Variants in DMD observed in about 807,000 individuals in gnomAD.
The protein encoded by DMD is mutant dystrophin.
A neutral mutation model predicts 330.1 loss-of-function variants in DMD; 63 were observed. That is an observed-to-expected ratio of 0.19 (90% confidence interval 0.16 to 0.24). The LOEUF is 0.24. Ranked by LOEUF, DMD falls within the 10% of genes least tolerant of loss-of-function variation. The pLI, the probability that DMD is intolerant of heterozygous loss-of-function variation, is 1.00. For synonymous variants in DMD, 1,223 were observed against 959.8 expected, an observed-to-expected ratio of 1.27 and a Z score of -5.07; for missense variants, 3,344 against 2,684.1, an observed-to-expected ratio of 1.25 and a Z score of -5.43.
chrX:31,497,458 C>T (rs977644164), intron 56 of DMD, among the ~76,000 whole-genome samples: 1 of 111,668 alleles, frequency 9.0e-6, no homozygotes, highest in Non-Finnish European at 1.9e-5. Context: ...CGTCTCCTTT[C>T]CCCCTACCCT....
At chrX:31,727,693 G>T (rs923854115) in intron 52 of DMD, among the ~76,000 whole-genome samples, 1 of 111,980 alleles carries the variant, frequency 8.9e-6, no homozygotes, top group African/African-American at 3.2e-5. Context: ...AAGCCTCCAA[G>T]ATTTGGGAGA....
intron 62 of DMD, among the ~76,000 whole-genome samples, chrX:31,318,699 G>A (rs1379327890): frequency 8.9e-6 from 1 of 112,166 alleles, no homozygotes; most frequent in Admixed American, 9.4e-5. Context: ...TGCTTCTTGA[G>A]CATTGCATGT....
intron 2 of DMD, among the ~76,000 whole-genome samples, chrX:32,905,396 G>C (rs1278682566): frequency 9.0e-6 from 1 of 111,531 alleles, no homozygotes; most frequent in East Asian, 2.8e-4. Context: ...AGACATGGTT[G>C]AGAAAAATGC....
At chrX:32,657,750 G>A (rs905652854) in intron 9 of DMD, among the ~76,000 whole-genome samples, 1 of 111,827 alleles carries the variant, frequency 8.9e-6, no homozygotes, top group Non-Finnish European at 1.9e-5. Context: ...AAATAGGATA[G>A]TTACAAAATG....
At chrX:33,030,442 T>C (rs2094088305) in intron 1 of DMD, among the ~76,000 whole-genome samples, 1 of 112,211 alleles carries the variant, frequency 8.9e-6, no homozygotes, top group Non-Finnish European at 1.9e-5. Context: ...ATTTCTGTGG[T>C]GCATTATAAT....
chrX:31,244,999 C>A (rs189523112), intron 63 of DMD, among the ~76,000 whole-genome samples: 13 of 111,867 alleles, frequency 1.2e-4, no homozygotes, highest in Non-Finnish European at 1.9e-4. Flanking sequence ...AATGAACGAA[C>A]GAGGCCATCA....
At chrX:31,694,177 T>C (rs2132859) in intron 52 of DMD, among the ~76,000 whole-genome samples, 47,033 of 110,002 alleles carry the variant, frequency 0.43, 8,192 homozygotes, top group African/African-American at 0.63. Context: ...CTTCAATAAA[T>C]GGTATTGGGA....
chrX:32,819,848 TAAAAA>T (rs35344665), intron 5 of DMD, among the ~76,000 whole-genome samples: 4 of 80,976 alleles, frequency 4.9e-5, no homozygotes, highest in African/African-American at 1.7e-4. Flanking sequence ...AATGTTGGTG[TAAAAA>T]AAAAAAAAAA....
chrX:31,994,289 G>A (rs1262686504), intron 44 of DMD, among the ~76,000 whole-genome samples: 1 of 111,913 alleles, frequency 8.9e-6, no homozygotes, highest in African/African-American at 3.2e-5. Context: ...TGACAGGTCT[G>A]AAGCAAACAT....
intron 7 of DMD, among the ~76,000 whole-genome samples, chrX:32,770,956 G>T (rs906412229): frequency 1.8e-5 from 2 of 111,410 alleles, no homozygotes; most frequent in African/African-American, 6.5e-5. Context: ...TTTAAAAATA[G>T]AGTTGAATGA....
intron 52 of DMD, among the ~76,000 whole-genome samples, chrX:31,712,048 A>G (rs2084676364): frequency 1.8e-5 from 2 of 111,421 alleles, no homozygotes; most frequent in Admixed American, 9.7e-5. Context: ...GTATCTGTAT[A>G]TAAGTGTTGC....
At chrX:32,009,394 G>A (rs745679848) in intron 44 of DMD, among the ~76,000 whole-genome samples, 2 of 111,938 alleles carry the variant, frequency 1.8e-5, no homozygotes, top group African/African-American at 6.5e-5. Flanking sequence ...GGGCAAAGAG[G>A]CAATATGCAT....
chrX:32,651,649 T>C (rs769118333), intron 9 of DMD, among the ~76,000 whole-genome samples: 1 of 111,348 alleles, frequency 9.0e-6, no homozygotes, highest in Admixed American at 9.5e-5. Flanking sequence ...AAGACAGCAA[T>C]GGGACACAGC....
chrX:32,305,152 T>C (rs1321280146), intron 42 of DMD, among the ~76,000 whole-genome samples: 1 of 111,784 alleles, frequency 8.9e-6, no homozygotes, highest in Non-Finnish European at 1.9e-5. Context: ...CTCTTGCTAT[T>C]ATCTAATTCT....
chrX:33,035,705 C>G (rs1156375139), intron 1 of DMD, among the ~76,000 whole-genome samples: 1 of 111,609 alleles, frequency 9.0e-6, no homozygotes, highest in Non-Finnish European at 1.9e-5. Context: ...CATGAAGGAA[C>G]CACTCAAATG....
intron 52 of DMD, among the ~76,000 whole-genome samples, chrX:31,718,406 TCAATAA>T (rs1452530284): frequency 9.0e-6 from 1 of 111,167 alleles, no homozygotes; most frequent in Non-Finnish European, 1.9e-5. Context: ...AGTGGAACTC[TCAATAA>T]TGAGGATAGT....
chrX:33,331,505 T>C (rs913379493), intron 1 of DMD, among the ~76,000 whole-genome samples: 1 of 111,532 alleles, frequency 9.0e-6, no homozygotes, highest in African/African-American at 3.3e-5. Flanking sequence ...ATCCTGGGAG[T>C]GTTATAATCA....
chrX:31,359,025 G>C, intron 60 of DMD, among the ~76,000 whole-genome samples: 1 of 111,934 alleles, frequency 8.9e-6, no homozygotes, highest in Non-Finnish European at 1.9e-5. Context: ...TGCATTTTAA[G>C]TGCAACTTTA....
intron 34 of DMD, among the ~76,000 whole-genome samples, chrX:32,378,363 C>CA (rs1423951436): frequency 1.8e-5 from 2 of 108,686 alleles, no homozygotes; most frequent in Non-Finnish European, 3.8e-5. Flanking sequence ...CAAGTTGTGC[C>CA]ATATGTATCT....
Sources: allele counts gnomAD v4.1 joint callset (sites outside exome capture counted in the v4.1 genomes callset), GRCh38; gene constraint gnomAD v4.1.1; transcripts MANE v1.5; gene names NCBI Gene and HGNC (gene_info 2026-07-23, HGNC 2026-07-21).